The following SGCZ variants were observed in gnomAD, a reference collection of about 807,000 sequenced individuals.
SGCZ encodes zeta-sarcoglycan.
A neutral mutation model predicts 41.3 loss-of-function variants in SGCZ; 40 were observed. The ratio of observed to expected loss-of-function variants is 0.97; its 90% CI spans 0.75 to 1.26. SGCZ has a LOEUF of 1.26. Ranked by LOEUF, SGCZ falls within the 50% of genes most tolerant of loss-of-function variation. The pLI, the probability that SGCZ is intolerant of heterozygous loss-of-function variation, is 0.00. For missense variants in SGCZ, 552 were observed against 369.8 expected, an observed-to-expected ratio of 1.49 and a Z score of -4.04; for synonymous variants, 206 against 137.5, an observed-to-expected ratio of 1.50 and a Z score of -3.49.
At chr8:15,017,609 G>C (rs56805467) in intron 1 of SGCZ, among the ~76,000 whole-genome samples, 1 of 151,780 alleles carries the variant, frequency 6.6e-6, no homozygotes, top group Non-Finnish European at 1.5e-5. Flanking sequence ...TCAAGTGATC[G>C]TTCCTCCCAC....
intron 2 of SGCZ, among the ~76,000 whole-genome samples, chr8:14,391,981 C>A (rs1268827918): frequency 2.0e-5 from 3 of 152,036 alleles, no homozygotes; most frequent in Non-Finnish European, 2.9e-5. Context: ...CTCTCATAAC[C>A]TCCCAACAAG....
intron 1 of SGCZ, among the ~76,000 whole-genome samples, chr8:14,818,257 A>C (rs7840345): frequency 0.25 from 38,086 of 151,962 alleles, 6,177 homozygotes; most frequent in East Asian, 0.58. Context: ...GCCTCTGTAC[A>C]CACACATGTC....
At chr8:14,092,847 C>T (rs1199665268) in intron 7 of SGCZ, among the ~76,000 whole-genome samples, 1 of 152,012 alleles carries the variant, frequency 6.6e-6, no homozygotes, top group Admixed American at 6.6e-5. Context: ...TGAACCAATA[C>T]AGTAGCTAAT....
intron 1 of SGCZ, among the ~76,000 whole-genome samples, chr8:14,833,079 A>T (rs1345371482): frequency 1.3e-5 from 2 of 152,142 alleles, no homozygotes; most frequent in African/African-American, 4.8e-5. Flanking sequence ...GTAGAACCTA[A>T]AACATGAATT....
intron 1 of SGCZ, among the ~76,000 whole-genome samples, chr8:14,774,738 T>C (rs1800347859): frequency 6.6e-6 from 1 of 152,206 alleles, no homozygotes; most frequent in Non-Finnish European, 1.5e-5. Flanking sequence ...ACCAATGATC[T>C]TCATTAGCAC....
chr8:15,024,518 G>A (rs954450773), intron 1 of SGCZ, among the ~76,000 whole-genome samples: 1 of 152,064 alleles, frequency 6.6e-6, no homozygotes, highest in Admixed American at 6.5e-5. Flanking sequence ...ACAATAAATA[G>A]GAGACTTATT....
chr8:14,617,763 G>A (rs972446381), intron 1 of SGCZ, among the ~76,000 whole-genome samples: 10 of 152,048 alleles, frequency 6.6e-5, no homozygotes, highest in African/African-American at 1.9e-4. Context: ...AGTAGGGTGG[G>A]AATATTATAA....
At chr8:14,428,291 TTATC>T (rs201707605) in intron 2 of SGCZ, among the ~76,000 whole-genome samples, 4,542 of 152,130 alleles carry the variant, frequency 0.03, 110 homozygotes, top group Non-Finnish European at 0.047. Context: ...TCATATACAT[TTATC>T]TATGCATTTT....
At chr8:15,214,269 G>A (rs993156758) in intron 1 of SGCZ, among the ~76,000 whole-genome samples, 4 of 151,992 alleles carry the variant, frequency 2.6e-5, no homozygotes, top group African/African-American at 9.7e-5. Context: ...TAAGCAGAAA[G>A]TTTGATTTTT....
intron 1 of SGCZ, among the ~76,000 whole-genome samples, chr8:14,580,200 A>T (rs1245429107): frequency 1.3e-5 from 2 of 152,234 alleles, no homozygotes; most frequent in Admixed American, 1.3e-4. Context: ...AAATGGGTCA[A>T]CAGTAGAACA....
intron 1 of SGCZ, among the ~76,000 whole-genome samples, chr8:15,173,215 T>C (rs1799897693): frequency 6.6e-6 from 1 of 152,200 alleles, no homozygotes; most frequent in African/African-American, 2.4e-5. Flanking sequence ...ACATATAACA[T>C]GGAATTTACC....
At position 14,086,746 on chromosome 8, in the gene SGCZ, A is replaced by C. The variant is rs927000949; in HGVS notation, c.*3697T>G. On this transcript the variant is annotated 3_prime_UTR_variant, in exon 8 of 8. Transcript: ENST00000382080. The stretch of plus-strand genomic sequence containing the variant: ...TGTTAAGAGTGTAAAAGGGAGTATA[A>C]AAAAGAGCATAGGAAGTAGCGTGCC... 7.2e-5 allele frequency among the ~76,000 whole-genome samples: 11 copies of C among 151,782 alleles called. No homozygotes were observed. The highest frequency in any genetic ancestry group is 2.6e-4 in the African/African-American group (11 of 41,514).
At chr8:15,000,488 G>A (rs941407079) in intron 1 of SGCZ, among the ~76,000 whole-genome samples, 3 of 152,132 alleles carry the variant, frequency 2.0e-5, no homozygotes, top group Non-Finnish European at 4.4e-5. Context: ...CTAACAAAGA[G>A]CAGCCTGTAA....
At chr8:15,142,937 T>C (rs1798934514) in intron 1 of SGCZ, among the ~76,000 whole-genome samples, 1 of 152,174 alleles carries the variant, frequency 6.6e-6, no homozygotes, top group South Asian at 2.1e-4. Flanking sequence ...TGACGCTTTC[T>C]ATCTGTAATA....
At chr8:14,802,818 G>A (rs986998917) in intron 1 of SGCZ, among the ~76,000 whole-genome samples, 6 of 152,090 alleles carry the variant, frequency 3.9e-5, no homozygotes, top group African/African-American at 1.4e-4. Flanking sequence ...CAAGAAATAG[G>A]GTGAACTGCA....
chr8:14,216,033 G>T (rs1196176315), intron 4 of SGCZ, among the ~76,000 whole-genome samples: 1 of 152,196 alleles, frequency 6.6e-6, no homozygotes, highest in Non-Finnish European at 1.5e-5. Context: ...CGCCCTCCAG[G>T]CATTTATTCA....
chr8:14,322,265 A>G (rs553423817), intron 3 of SGCZ, among the ~76,000 whole-genome samples: 1 of 152,238 alleles, frequency 6.6e-6, no homozygotes, highest in African/African-American at 2.4e-5. Context: ...TAGGGAGACA[A>G]ACAATAATGA....
intron 1 of SGCZ, among the ~76,000 whole-genome samples, chr8:14,565,203 AT>A (rs945163263): frequency 1.2e-4 from 19 of 152,216 alleles, no homozygotes; most frequent in African/African-American, 4.1e-4. Flanking sequence ...TTAAAAAATA[AT>A]TTTTTTCAGT....
At chr8:15,085,835 T>A (rs1310483580) in intron 1 of SGCZ, among the ~76,000 whole-genome samples, 1 of 152,136 alleles carries the variant, frequency 6.6e-6, no homozygotes, top group Non-Finnish European at 1.5e-5. Context: ...CAGCCCTCTG[T>A]CATTCTTGTC....
Sources: allele counts gnomAD v4.1 joint callset (sites outside exome capture counted in the v4.1 genomes callset), GRCh38; gene constraint gnomAD v4.1.1; transcripts MANE v1.5; gene names NCBI Gene and HGNC (gene_info 2026-07-23, HGNC 2026-07-21).